The following KIAA0513 variants were observed in gnomAD, a reference collection of about 807,000 sequenced individuals.
KIAA0513 encodes KIAA0513, also known as uncharacterized protein KIAA0513.
In KIAA0513, 39 loss-of-function variants were observed where a neutral mutation model predicts 56.5. That is an observed-to-expected ratio of 0.69 (90% CI 0.53 to 0.90). The LOEUF (loss-of-function observed/expected upper bound fraction) is 0.90. Among genes scored for constraint, KIAA0513 ranks in the 40% least tolerant of loss-of-function variants. KIAA0513 has a pLI of 0.00. For missense variants in KIAA0513, 591 were observed against 535.2 expected (o/e 1.10, Z -1.03); for synonymous variants, 268 against 215.6 (o/e 1.24, Z -2.13).
chr16:85,041,992 A>G (rs1441528958), intron 1 of KIAA0513, among the ~76,000 whole-genome samples: 5 of 151,848 alleles, frequency 3.3e-5, no homozygotes, highest in Non-Finnish European at 5.9e-5. Context: ...GCCCCTACCC[A>G]TTTGCCAGAA....
intron 1 of KIAA0513, among the ~76,000 whole-genome samples, chr16:85,030,808 C>T (rs1268601747): frequency 2.0e-5 from 3 of 151,366 alleles, no homozygotes; most frequent in African/African-American, 7.3e-5. Context: ...AAGTTTTAAT[C>T]CCACTTTCTA....
intron 1 of KIAA0513, among the ~76,000 whole-genome samples, chr16:85,031,678 A>G (rs1301103498): frequency 6.6e-6 from 1 of 152,140 alleles, no homozygotes; most frequent in East Asian, 1.9e-4. Flanking sequence ...ACTCTGCCTC[A>G]GGACCTTTGC....
At chr16:85,037,874 G>T (rs1221613524) in intron 1 of KIAA0513, among the ~76,000 whole-genome samples, 1 of 152,166 alleles carries the variant, frequency 6.6e-6, no homozygotes, top group Non-Finnish European at 1.5e-5. Flanking sequence ...GTGAGCTGGA[G>T]TGGCCAAGAG....
intron 8 of KIAA0513, among the ~76,000 whole-genome samples, chr16:85,080,596 C>T (rs1244023130): frequency 3.9e-5 from 6 of 152,132 alleles, no homozygotes; most frequent in Non-Finnish European, 8.8e-5. Context: ...GAGCTCGAGA[C>T]CAGCCTGGTC....
At position 85,076,017 on chromosome 16, in the gene KIAA0513, GC is replaced by G; in HGVS notation, c.574+105del. 1 of 845,832 alleles carries G rather than the reference GC, an allele frequency of 1.2e-6. No individual in the cohort carries two copies. The highest frequency in any genetic ancestry group is 2.0e-6 in the Non-Finnish European group (1 of 497,496). The allele number at this position is 845,832 out of a possible 1,614,324, so 52.4% of individuals were successfully genotyped here. A position where few individuals can be genotyped will look rare whatever the true frequency, so the allele number is the denominator to read the frequency against. On this transcript the variant is annotated intron_variant, in intron 5 of 12. Coordinates refer to ENST00000683363, the MANE Select transcript of KIAA0513 (RefSeq NM_001388359.1). The surrounding 1 kb of genome is among the most constrained non-coding windows in gnomAD (Gnocchi z 4.7). ...CATGATAAAAAGCAAAAGCTATGGGGCCTCCAGAGAACAGAGGAAGCTGATG... is the reference window on the plus strand; with the variant it reads ...CATGATAAAAAGCAAAAGCTATGGGGCTCCAGAGAACAGAGGAAGCTGATG...
At chr16:85,054,178 C>T (rs1446614384) in intron 1 of KIAA0513, among the ~76,000 whole-genome samples, 2 of 151,942 alleles carry the variant, frequency 1.3e-5, no homozygotes. Flanking sequence ...TTAAACACTG[C>T]CGTTTACACT....
intron 1 of KIAA0513, among the ~76,000 whole-genome samples, chr16:85,062,066 C>T (rs369439170): frequency 1.3e-5 from 2 of 152,152 alleles, no homozygotes; most frequent in African/African-American, 4.8e-5. Flanking sequence ...CCCCAACCTC[C>T]CCGTCCAAAG....
Position 85,049,284 on chromosome 16 carries a change from A to T in KIAA0513, c.-172-17616A>T, listed in dbSNP as rs35237475. ...ATTTGCCCAGTCTTTCCTCCCATAGAGGCATGGATGTCCTCAGTGCACAGC... is the reference window on the plus strand; with the variant it reads ...ATTTGCCCAGTCTTTCCTCCCATAGTGGCATGGATGTCCTCAGTGCACAGC... On this transcript the variant is annotated intron_variant, in intron 1 of 12. Coordinates refer to ENST00000683363, the MANE Select transcript of KIAA0513 (RefSeq NM_001388359.1). Among the ~76,000 whole-genome samples the T allele has an allele frequency of 2.2e-3, 335 of 152,138 alleles. 1 individual carries two copies. Among genetic ancestry groups the T allele is most frequent in the Middle Eastern group, 0.014 (4 of 294 alleles).
At chr16:85,057,061 C>G (rs984982605) in intron 1 of KIAA0513, among the ~76,000 whole-genome samples, 5 of 152,146 alleles carry the variant, frequency 3.3e-5, no homozygotes, top group Non-Finnish European at 5.9e-5. Context: ...CTGAGTCTGT[C>G]AGTTGTTCTT....
chr16:85,035,433 A>C (rs1302953024), intron 1 of KIAA0513, among the ~76,000 whole-genome samples: 1 of 152,132 alleles, frequency 6.6e-6, no homozygotes, highest in Non-Finnish European at 1.5e-5. Context: ...CTTTAACCTC[A>C]AGTCTTTTAG....
chr16:85,063,962 C>G (rs912819888), intron 1 of KIAA0513, among the ~76,000 whole-genome samples: 8 of 149,614 alleles, frequency 5.3e-5, no homozygotes, highest in African/African-American at 2.0e-4. Context: ...ACTACTGCAA[C>G]TTTTTCACAT....
At chr16:85,056,003 G>C (rs1457234584) in intron 1 of KIAA0513, among the ~76,000 whole-genome samples, 1 of 152,198 alleles carries the variant, frequency 6.6e-6, no homozygotes, top group African/African-American at 2.4e-5. Flanking sequence ...TGCCAGTGCT[G>C]CAGCTCAGCC....
At chr16:85,045,423 T>C (rs1446570638) in intron 1 of KIAA0513, among the ~76,000 whole-genome samples, 1 of 152,176 alleles carries the variant, frequency 6.6e-6, no homozygotes, top group Non-Finnish European at 1.5e-5. Context: ...TGGTGCAATA[T>C]TGGCTCACTG....
intron 2 of KIAA0513, among the ~76,000 whole-genome samples, chr16:85,068,891 C>A (rs1046671650): frequency 3.9e-5 from 6 of 152,158 alleles, no homozygotes; most frequent in African/African-American, 1.4e-4. Flanking sequence ...ACCATCTGAG[C>A]ATGTGTAGGC....
At chr16:85,037,510 C>T (rs889001637) in intron 1 of KIAA0513, among the ~76,000 whole-genome samples, 4 of 152,118 alleles carry the variant, frequency 2.6e-5, no homozygotes, top group Non-Finnish European at 5.9e-5. Flanking sequence ...AACACAGTGT[C>T]CATATGTCAA....
intron 3 of KIAA0513, among the ~76,000 whole-genome samples, chr16:85,072,658 G>A (rs1363633356): frequency 6.6e-6 from 1 of 152,222 alleles, no homozygotes; most frequent in Non-Finnish European, 1.5e-5. Flanking sequence ...GTGTGGGTGT[G>A]TATGAAGTTC....
chr16:85,086,370 G>C (rs59287621), intron 10 of KIAA0513, among the ~76,000 whole-genome samples: 1 of 152,162 alleles, frequency 6.6e-6, no homozygotes, highest in African/African-American at 2.4e-5. Flanking sequence ...GTGGTGCTCC[G>C]TGCCTTCAGG....
intron 1 of KIAA0513, among the ~76,000 whole-genome samples, chr16:85,054,991 C>A (rs567364613): frequency 1.3e-5 from 2 of 152,174 alleles, no homozygotes; most frequent in East Asian, 3.9e-4. Context: ...GGTACAATCT[C>A]GGTTTACTGC....
chr16:85,086,299 C>A (rs1390612295), intron 10 of KIAA0513, among the ~76,000 whole-genome samples: 4 of 152,272 alleles, frequency 2.6e-5, no homozygotes, highest in African/African-American at 7.2e-5. Flanking sequence ...AGACCCCACT[C>A]TCCAACCGTA....
Sources: gnomAD v4.1 joint callset for allele counts (sites outside exome capture counted in the v4.1 genomes callset) on GRCh38, gnomAD v4.1.1 for gene constraint, Gnocchi (gnomAD v3.1) non-coding constraint, MANE v1.5 for transcripts, NCBI Gene and HGNC (gene_info 2026-07-23, HGNC 2026-07-21) for gene names.